The following SUGCT variants were observed in gnomAD, a reference collection of about 807,000 sequenced individuals.
SUGCT encodes the protein succinyl-CoA:glutarate-CoA transferase.
In SUGCT, 41 loss-of-function variants were observed where a neutral mutation model predicts 55.0. The ratio of observed to expected loss-of-function variants is 0.74; its 90% CI spans 0.58 to 0.97. SUGCT has a LOEUF of 0.97. Ranked by LOEUF, SUGCT falls within the 50% of genes least tolerant of loss-of-function variation. The pLI, the probability that SUGCT is intolerant of heterozygous loss-of-function variation, is 0.00. For synonymous variants in SUGCT, 187 were observed against 200.4 expected (o/e 0.93, Z 0.56); for missense variants, 568 against 547.8 (o/e 1.04, Z -0.37).
At chr7:40,692,472 TC>T (rs1388582225) in intron 12 of SUGCT, among the ~76,000 whole-genome samples, 1 of 152,148 alleles carries the variant, frequency 6.6e-6, no homozygotes, top group African/African-American at 2.4e-5. Context: ...TTTTTGGACT[TC>T]CGTGGTACAG....
chr7:40,676,173 C>G (rs1215622598), intron 12 of SUGCT, among the ~76,000 whole-genome samples: 1 of 152,166 alleles, frequency 6.6e-6, no homozygotes, highest in Non-Finnish European at 1.5e-5. Flanking sequence ...CATCATCAGT[C>G]TTCTCATCTA....
At chr7:40,956,484 C>T in the SUGCT span, among the ~76,000 whole-genome samples, 1 of 152,072 alleles carries the variant, frequency 6.6e-6, no homozygotes, top group Non-Finnish European at 1.5e-5. Flanking sequence ...TTCCCTTTAT[C>T]ATTTTCATTG....
At chr7:40,184,690 A>G (rs955566373) in intron 3 of SUGCT, among the ~76,000 whole-genome samples, 1 of 152,116 alleles carries the variant, frequency 6.6e-6, no homozygotes, top group Admixed American at 6.6e-5. Flanking sequence ...TTATGTTTCA[A>G]GATCTGATCC....
intron 12 of SUGCT, among the ~76,000 whole-genome samples, chr7:40,502,763 T>C (rs2151533241): frequency 6.6e-6 from 1 of 152,220 alleles, no homozygotes; most frequent in Non-Finnish European, 1.5e-5. Context: ...TAAAAATATG[T>C]GGGAGTTTGT....
At position 40,338,855 on chromosome 7, in the gene SUGCT, G is replaced by GT. The variant is rs1435691403; in HGVS notation, c.816+22006dup. On this transcript the variant is annotated intron_variant, in intron 9 of 13. Transcript: ENST00000335693. ...TTAGAATTTTCAGTTTTTCTGCCCTGTTTTTTCCCCATCTTTGTGGTTTTA... is the reference window on the plus strand; with the variant it reads ...TTAGAATTTTCAGTTTTTCTGCCCTGTTTTTTTCCCCATCTTTGTGGTTTTA... 2.0e-5 allele frequency among the ~76,000 whole-genome samples: 3 copies of GT among 152,242 alleles called. No individual in the cohort carries two copies. The East Asian group carries it at 5.8e-4, about 29-fold the overall frequency.
At chr7:40,625,527 A>G (rs1799486805) in intron 12 of SUGCT, among the ~76,000 whole-genome samples, 1 of 151,640 alleles carries the variant, frequency 6.6e-6, no homozygotes, top group Admixed American at 6.6e-5. Context: ...CTTGCCATCC[A>G]TCAGTTCAAA....
rs998805634 is a variant in SUGCT, at chr7:40,398,530, T to C, written c.817-50757T>C. 2.3e-3 allele frequency among the ~76,000 whole-genome samples: 343 copies of C among 151,726 alleles called. 3 individuals carry two copies. Among genetic ancestry groups the C allele is most frequent in the African/African-American group, 7.8e-3 (322 of 41,348 alleles). ...ACTTTACTGGCTTTTTTTTTTTTTT[T>C]TTCTAATTTTCTTGTTATATCTCCC... On this transcript the variant is annotated intron_variant, in intron 9 of 13. Transcript: ENST00000335693.
Position 40,556,815 on chromosome 7 carries a change from GTGTT to G in SUGCT, c.1089+60433_1089+60436del, listed in dbSNP as rs541506828. Among the ~76,000 whole-genome samples the G allele has an allele frequency of 5.7e-3, 875 of 152,290 alleles. 6 individuals carry two copies. Among genetic ancestry groups the G allele is most frequent in the Non-Finnish European group, 6.1e-3 (418 of 68,030 alleles). ...CTGGCACATAATAAGTGGTGATTAA[GTGTT>G]TGTAAGAATAAGCTTTAAAAATTGC... On this transcript the variant is annotated intron_variant, in intron 12 of 13. Transcript: ENST00000335693.
At chr7:40,494,841 C>T (rs1020341582) in intron 11 of SUGCT, among the ~76,000 whole-genome samples, 7 of 151,942 alleles carry the variant, frequency 4.6e-5, no homozygotes, top group Admixed American at 3.9e-4. Context: ...TTTTATTTCT[C>T]GTTTTTCATT....
intron 13 of SUGCT, among the ~76,000 whole-genome samples, chr7:40,770,869 C>T (rs1423870694): frequency 1.3e-5 from 2 of 152,088 alleles, no homozygotes; most frequent in African/African-American, 2.4e-5. Flanking sequence ...TGTCAAATGC[C>T]TTTATAACCT....
At chr7:40,423,163 A>G (rs1787403766) in intron 9 of SUGCT, among the ~76,000 whole-genome samples, 2 of 152,088 alleles carry the variant, frequency 1.3e-5, no homozygotes, top group Non-Finnish European at 2.9e-5. Flanking sequence ...CTATATTCCC[A>G]TCTCTGCTAA....
At chr7:40,847,503 ACCTTCCGGGTTCAAGCGATTCTC>A (rs1338532549) in intron 13 of SUGCT, among the ~76,000 whole-genome samples, 2 of 133,100 alleles carry the variant, frequency 1.5e-5, no homozygotes, top group Non-Finnish European at 3.0e-5. Flanking sequence ...TGCAACCTCC[ACCTTCCGGGTTCAAGCGATTCTC>A]CTGCTTTAGC....
At chr7:40,151,793 T>C (rs1298711873) in intron 1 of SUGCT, 1 of 152,808 alleles carries the variant, frequency 6.5e-6, no homozygotes, top group East Asian at 1.9e-4. Context: ...AATTCATGCA[T>C]AGCCAGCTGT....
intron 13 of SUGCT, among the ~76,000 whole-genome samples, chr7:40,789,400 T>C (rs957778142): frequency 2.0e-5 from 3 of 152,184 alleles, no homozygotes. Flanking sequence ...TAGTATAATG[T>C]CTTAAAGGTT....
intron 5 of SUGCT, among the ~76,000 whole-genome samples, chr7:40,192,630 CT>C (rs748789860): frequency 0.033 from 4,443 of 134,730 alleles, 141 homozygotes; most frequent in African/African-American, 0.11. Flanking sequence ...TTCTTTCTTT[CT>C]TTTTTTTTTT....
chr7:40,292,157 CT>C (rs1181908034), intron 8 of SUGCT, among the ~76,000 whole-genome samples: 1 of 152,174 alleles, frequency 6.6e-6, no homozygotes, highest in Admixed American at 6.5e-5. Flanking sequence ...TACATACATT[CT>C]GTACAAATGA....
chr7:40,346,078 A>G (rs983028019), intron 9 of SUGCT, among the ~76,000 whole-genome samples: 2 of 152,070 alleles, frequency 1.3e-5, no homozygotes, highest in African/African-American at 4.8e-5. Context: ...GAGATGGAGA[A>G]TAACCATCCC....
intron 9 of SUGCT, among the ~76,000 whole-genome samples, chr7:40,405,842 G>GACAATA (rs1289250194): frequency 6.7e-6 from 1 of 149,616 alleles, no homozygotes; most frequent in Non-Finnish European, 1.5e-5. Flanking sequence ...AAAAACCAAT[G>GACAATA]AGGAAATGTT....
At chr7:40,415,995 T>G (rs1388695064) in intron 9 of SUGCT, among the ~76,000 whole-genome samples, 1 of 152,090 alleles carries the variant, frequency 6.6e-6, no homozygotes, top group Non-Finnish European at 1.5e-5. Context: ...TCAAAATGGT[T>G]GTGATTCTAA....
Sources: gnomAD v4.1 joint callset for allele counts (sites outside exome capture counted in the v4.1 genomes callset) on GRCh38, gnomAD v4.1.1 for gene constraint, MANE v1.5 for transcripts, NCBI Gene and HGNC (gene_info 2026-07-23, HGNC 2026-07-21) for gene names.